The following UBE2D2 variants were observed in gnomAD, a reference collection of about 807,000 sequenced individuals.
The protein encoded by UBE2D2 is ubiquitin conjugating enzyme E2 D2, also known as ubiquitin-conjugating enzyme E2 D2.
Under a neutral mutation model 24.2 loss-of-function variants are expected in UBE2D2, and 2 were observed. That is an observed-to-expected ratio of 0.08 (90% confidence interval 0.03 to 0.26). The LOEUF (loss-of-function observed/expected upper bound fraction) is 0.26. UBE2D2 is among the 10% of genes least tolerant of loss of function. UBE2D2 has a pLI of 1.00. For missense variants in UBE2D2, 44 were observed against 177.6 expected (o/e 0.25, Z 4.28); for synonymous variants, 58 against 56.5 (o/e 1.03, Z -0.12).
intron 1 of UBE2D2, among the ~76,000 whole-genome samples, chr5:139,534,008 C>A (rs1371670025): frequency 6.6e-6 from 1 of 151,776 alleles, no homozygotes; most frequent in Non-Finnish European, 1.5e-5. Context: ...GTCTTGAACT[C>A]TTGACCTTGT....
At chr5:139,545,778 C>G (rs970431773) in intron 1 of UBE2D2, among the ~76,000 whole-genome samples, 1 of 150,648 alleles carries the variant, frequency 6.6e-6, no homozygotes, top group Non-Finnish European at 1.5e-5. Context: ...GGCTGCAGTA[C>G]AGTGGTGTGA....
At chr5:139,580,294 G>C (rs1331255934) in intron 1 of UBE2D2, among the ~76,000 whole-genome samples, 1 of 151,888 alleles carries the variant, frequency 6.6e-6, no homozygotes, top group East Asian at 1.9e-4. Flanking sequence ...CGAACTCCCG[G>C]GCTCAAGTGT....
upstream of UBE2D2, among the ~76,000 whole-genome samples, chr5:139,559,404 C>T (rs1377741340): frequency 6.7e-6 from 1 of 149,638 alleles, no homozygotes; most frequent in Non-Finnish European, 1.5e-5. Context: ...CCAGCCTGGG[C>T]GACAGAGTGA....
chr5:139,570,568 G>T (rs1753334404), intron 1 of UBE2D2, among the ~76,000 whole-genome samples: 1 of 152,138 alleles, frequency 6.6e-6, no homozygotes, highest in African/African-American at 2.4e-5. Flanking sequence ...CTGGAGTGCA[G>T]TTGTGTGATC....
At chr5:139,526,591 G>A (rs1752543592) in exon 1 of UBE2D2, 2 of 152,338 alleles carry the variant, frequency 1.3e-5, no homozygotes, top group Admixed American at 1.3e-4. Context: ...TGGCACTTGG[G>A]AGTCCGGACA....
intron 2 of UBE2D2, among the ~76,000 whole-genome samples, chr5:139,604,712 C>G (rs1754158901): frequency 6.6e-6 from 1 of 151,920 alleles, no homozygotes; most frequent in Non-Finnish European, 1.5e-5. Context: ...AAGCAAGACC[C>G]CATCTTTAAA....
At chr5:139,598,759 G>C (rs1754009644) in intron 1 of UBE2D2, among the ~76,000 whole-genome samples, 2 of 150,912 alleles carry the variant, frequency 1.3e-5, no homozygotes, top group Admixed American at 6.6e-5. Context: ...ATGGGGTCTT[G>C]CTATGTTGGC....
intron 6 of UBE2D2, among the ~76,000 whole-genome samples, chr5:139,625,093 T>C (rs1269520553): frequency 6.7e-6 from 1 of 150,334 alleles, no homozygotes; most frequent in East Asian, 2.0e-4. Context: ...GGTCTTGTTC[T>C]TCAGCCCAGA....
At chr5:139,585,312 A>T (rs1184797212) in intron 1 of UBE2D2, among the ~76,000 whole-genome samples, 2 of 151,482 alleles carry the variant, frequency 1.3e-5, no homozygotes, top group Non-Finnish European at 2.9e-5. Flanking sequence ...TTCTGGGCTC[A>T]AGTAATCTTA....
At chr5:139,597,300 A>G (rs911865129) in intron 1 of UBE2D2, among the ~76,000 whole-genome samples, 29 of 152,322 alleles carry the variant, frequency 1.9e-4, no homozygotes, top group African/African-American at 7.0e-4. Flanking sequence ...AGAATGTCAT[A>G]TAAATGGAAT....
chr5:139,625,276 G>GT (rs535886136), intron 6 of UBE2D2, among the ~76,000 whole-genome samples: 7,869 of 84,984 alleles, frequency 0.093, 1,083 homozygotes, highest in African/African-American at 0.16. Flanking sequence ...TGGCTAATTT[G>GT]TTTTTTTTTT....
At chr5:139,621,337 A>G (rs1561522338) in intron 5 of UBE2D2, among the ~76,000 whole-genome samples, 1 of 152,246 alleles carries the variant, frequency 6.6e-6, no homozygotes. Flanking sequence ...TTTGTCTGCT[A>G]CATCCCAGGT....
At chr5:139,575,529 C>T (rs1417305544) in intron 1 of UBE2D2, among the ~76,000 whole-genome samples, 3 of 152,156 alleles carry the variant, frequency 2.0e-5, no homozygotes, top group Admixed American at 6.6e-5. Context: ...CAGCAAACTT[C>T]AAAATACTGT....
intron 1 of UBE2D2, among the ~76,000 whole-genome samples, chr5:139,580,608 G>A (rs948370811): frequency 2.6e-5 from 4 of 152,146 alleles, no homozygotes; most frequent in East Asian, 1.9e-4. Flanking sequence ...CACCACACCC[G>A]GCTAATTTCT....
upstream of UBE2D2, among the ~76,000 whole-genome samples, chr5:139,560,318 C>T (rs1049509095): frequency 6.6e-6 from 1 of 152,000 alleles, no homozygotes; most frequent in Non-Finnish European, 1.5e-5. Flanking sequence ...CTGCCTCAGC[C>T]TCCCGAGTAG....
rs570155455 is a variant in UBE2D2 at position 139,578,340 on chromosome 5, A to G, written c.24+16525A>G. Among the ~76,000 whole-genome samples the G allele has an allele frequency of 3.2e-4, 48 of 152,220 alleles. 1 individual carries two copies. The highest frequency in any genetic ancestry group is 3.4e-3 in the Middle Eastern group (1 of 292). The stretch of plus-strand genomic sequence containing the variant: ...TAGAAGTAGAAGTAGTTTTACTGGA[A>G]TACCTACGATTTTCCTGTCCTGTCT... On this transcript the variant is annotated intron_variant, in intron 1 of 6. Coordinates refer to ENST00000398733, the MANE Select transcript of UBE2D2 (RefSeq NM_003339.3).
intron 1 of UBE2D2, among the ~76,000 whole-genome samples, chr5:139,566,262 G>A (rs539778188): frequency 2.0e-5 from 3 of 152,122 alleles, no homozygotes; most frequent in South Asian, 2.1e-4. Context: ...CAGGAGATCC[G>A]TCCGTCTCGG....
At chr5:139,547,117 C>T (rs1289128542) in intron 1 of UBE2D2, among the ~76,000 whole-genome samples, 4 of 151,684 alleles carry the variant, frequency 2.6e-5, no homozygotes, top group Non-Finnish European at 4.4e-5. Flanking sequence ...GGTGAAATCC[C>T]GTCTCTACTA....
intron 2 of UBE2D2, among the ~76,000 whole-genome samples, chr5:139,610,422 T>A (rs1754291412): frequency 6.6e-6 from 1 of 151,834 alleles, no homozygotes; most frequent in African/African-American, 2.4e-5. Flanking sequence ...GTGCCTGTAA[T>A]CCCAGCTACT....
Sources: allele counts gnomAD v4.1 joint callset (sites outside exome capture counted in the v4.1 genomes callset), GRCh38; gene constraint gnomAD v4.1.1; transcripts MANE v1.5; gene names NCBI Gene and HGNC (gene_info 2026-07-23, HGNC 2026-07-21).